GNB1: variants seen among roughly 807,000 people sequenced by gnomAD.
The protein encoded by GNB1 is G protein subunit beta 1, also known as guanine nucleotide-binding protein G(I)/G(S)/G(T) subunit beta-1.
GNB1 carries 2 observed loss-of-function variants against 42.9 expected under a neutral mutation model. The ratio of observed to expected loss-of-function variants is 0.05; its 90% CI spans 0.02 to 0.15. GNB1 has a LOEUF of 0.15. Ranked by LOEUF, GNB1 falls within the 10% of genes least tolerant of loss-of-function variation. The probability of loss-of-function intolerance (pLI) is 1.00; values close to 1 mark genes in which losing one functional copy is unlikely to be tolerated. For missense variants in GNB1, 193 were observed against 462.2 expected, an observed-to-expected ratio of 0.42 and a Z score of 5.34; for synonymous variants, 183 against 174.7, an observed-to-expected ratio of 1.05 and a Z score of -0.38.
chr1:1,811,081 A>ATAT (rs1176955458), intron 5 of GNB1, among the ~76,000 whole-genome samples: 29 of 73,142 alleles, frequency 4.0e-4, no homozygotes, highest in African/African-American at 9.9e-4. Context: ...ATATATATAT[A>ATAT]TTTTTTTTTT....
chr1:1,804,356 G>T, intron 7 of GNB1, 63 bp downstream of exon 7: 1 of 1,060,034 alleles, frequency 9.4e-7, no homozygotes, highest in Non-Finnish European at 1.5e-6. Flanking sequence ...AGTATCCAAA[G>T]CATATAATGT....
At chr1:1,849,969 C>T (rs1015218487) in intron 1 of GNB1, among the ~76,000 whole-genome samples, 4 of 150,138 alleles carry the variant, frequency 2.7e-5, no homozygotes, top group Admixed American at 2.7e-4. Flanking sequence ...CACAACTACT[C>T]AACACTTTTT....
At chr1:1,872,897 C>T (rs569373987) in intron 1 of GNB1, among the ~76,000 whole-genome samples, 1 of 152,230 alleles carries the variant, frequency 6.6e-6, no homozygotes, top group African/African-American at 2.4e-5. Context: ...TCACTCCATC[C>T]CACAGATACC....
At chr1:1,817,709 A>C in intron 4 of GNB1, 128 bp downstream of exon 4, 2 of 606,458 alleles carry the variant, frequency 3.3e-6, no homozygotes, top group Non-Finnish European at 6.0e-6. Context: ...TTCTTAATAA[A>C]AGCAGTGGCT....
At chr1:1,797,310 C>T (rs1215332615) in intron 7 of GNB1, among the ~76,000 whole-genome samples, 1 of 152,038 alleles carries the variant, frequency 6.6e-6, no homozygotes, top group Admixed American at 6.6e-5. Context: ...AGTTACAGAA[C>T]GACAGTATAA....
chr1:1,822,546 A>G (rs1251610525), intron 3 of GNB1, among the ~76,000 whole-genome samples: 1 of 151,678 alleles, frequency 6.6e-6, no homozygotes, highest in Non-Finnish European at 1.5e-5. Flanking sequence ...CGATCTCCTG[A>G]CCTTGTGATC....
At chr1:1,842,117 G>A (rs1032753811) in intron 1 of GNB1, among the ~76,000 whole-genome samples, 1 of 151,730 alleles carries the variant, frequency 6.6e-6, no homozygotes, top group African/African-American at 2.4e-5. Flanking sequence ...AGACCAACCT[G>A]GCCACCTCGT....
intron 1 of GNB1, among the ~76,000 whole-genome samples, chr1:1,888,452 C>T (rs945421004): frequency 6.6e-6 from 1 of 152,138 alleles, no homozygotes; most frequent in East Asian, 1.9e-4. Context: ...CCGCCCAACA[C>T]CTGCAGTCCA....
chr1:1,890,496 C>A (rs1357965746), intron 1 of GNB1: 1 of 148,952 alleles, frequency 6.7e-6, no homozygotes, highest in African/African-American at 2.4e-5. Context: ...CCCCGCCCGA[C>A]CCGCGCCCCC....
chr1:1,885,101 A>C (rs1314224306), intron 1 of GNB1, among the ~76,000 whole-genome samples: 3 of 152,050 alleles, frequency 2.0e-5, no homozygotes, highest in African/African-American at 4.8e-5. Context: ...CTATGGCAAA[A>C]TAGGTTCAAC....
At chr1:1,883,483 T>C (rs1260755175) in intron 1 of GNB1, among the ~76,000 whole-genome samples, 1 of 152,170 alleles carries the variant, frequency 6.6e-6, no homozygotes, top group African/African-American at 2.4e-5. Context: ...TTATAACATT[T>C]GTTAACCTTG....
rs1255537051 is a variant in GNB1, at chr1:1,790,838, C to G, written c.498-242G>C. Among the ~76,000 whole-genome samples, 1 of 152,190 alleles carries G rather than the reference C, an allele frequency of 6.6e-6. No homozygotes were observed. The highest frequency in any genetic ancestry group is 1.5e-5 in the Non-Finnish European group (1 of 68,038). On this transcript the variant is annotated intron_variant, in intron 8 of 11. Coordinates refer to ENST00000378609, the MANE Select transcript of GNB1 (RefSeq NM_002074.5). The surrounding 1 kb of genome is among the most constrained non-coding windows in gnomAD (Gnocchi z 5.4). ...GGCCTGGGCTTCAGAATGACGGGATCGCTACCTCAACTCAAATGCCAGCAA... is the reference window on the plus strand; with the variant it reads ...GGCCTGGGCTTCAGAATGACGGGATGGCTACCTCAACTCAAATGCCAGCAA...
chr1:1,834,424 C>A (rs190329014), intron 2 of GNB1, among the ~76,000 whole-genome samples: 1 of 152,042 alleles, frequency 6.6e-6, no homozygotes, highest in South Asian at 2.1e-4. Flanking sequence ...GCTTTTAGGG[C>A]GGAGCACAAA....
chr1:1,882,589 C>T (rs1000930427), intron 1 of GNB1, among the ~76,000 whole-genome samples: 7 of 151,826 alleles, frequency 4.6e-5, no homozygotes, highest in Admixed American at 1.3e-4. Flanking sequence ...AAAAAAAAAT[C>T]TAGCTTCATA....
chr1:1,858,431 C>T (rs1224085208), intron 1 of GNB1, among the ~76,000 whole-genome samples: 1 of 152,122 alleles, frequency 6.6e-6, no homozygotes, highest in Admixed American at 6.6e-5. Flanking sequence ...GGTCCCTCAT[C>T]CCTGGGTTCT....
intron 1 of GNB1, among the ~76,000 whole-genome samples, chr1:1,856,576 C>T (rs1339607381): frequency 4.6e-5 from 7 of 152,298 alleles, no homozygotes; most frequent in East Asian, 1.9e-4. Context: ...TACAGGCACG[C>T]GCTACGACGC....
intron 5 of GNB1, among the ~76,000 whole-genome samples, chr1:1,809,276 G>C (rs1646744498): frequency 6.7e-6 from 1 of 148,302 alleles, no homozygotes; most frequent in African/African-American, 2.5e-5. Context: ...CCAGATGCAA[G>C]CAATTCTCGT....
chr1:1,786,139 A>G lies in GNB1; in HGVS notation c.*924T>C. The G allele has an allele frequency of 2.5e-6, 1 of 398,664 alleles. No individual in the cohort carries two copies. Among genetic ancestry groups the G allele is most frequent in the Non-Finnish European group, 4.4e-6 (1 of 226,002 alleles). 24.7% of individuals were successfully genotyped at this position (398,664 alleles called of 1,614,324 possible). ...TTGTACATTGTTTCATACACAAATA[A>G]TTGACTGACTATCCAAGCACAGGAC... On this transcript the variant is annotated 3_prime_UTR_variant, in exon 12 of 12. Coordinates refer to ENST00000378609, the MANE Select transcript of GNB1 (RefSeq NM_002074.5).
intron 1 of GNB1, among the ~76,000 whole-genome samples, chr1:1,870,595 G>C (rs772140496): frequency 2.6e-4 from 40 of 152,316 alleles, no homozygotes; most frequent in Middle Eastern, 6.8e-3. Context: ...CTTATGCGCT[G>C]TTACGCATGT....
Sources: allele counts gnomAD v4.1 joint callset (sites outside exome capture counted in the v4.1 genomes callset), GRCh38; gene constraint gnomAD v4.1.1; non-coding constraint Gnocchi (gnomAD v3.1); transcripts MANE v1.5; gene names NCBI Gene and HGNC (gene_info 2026-07-23, HGNC 2026-07-21).